COL13A1: variants seen among roughly 807,000 people sequenced by gnomAD.
COL13A1 encodes collagen type XIII alpha 1 chain.
A neutral mutation model predicts 130.9 loss-of-function variants in COL13A1; 89 were observed. The ratio of observed to expected loss-of-function variants is 0.68; its 90% CI spans 0.57 to 0.81. The LOEUF (loss-of-function observed/expected upper bound fraction) is 0.81, where lower values mean the gene tolerates loss of function less well. COL13A1 is among the 30% of genes least tolerant of loss of function. The pLI is 0.00. For missense variants in COL13A1, 879 were observed against 934.6 expected, an observed-to-expected ratio of 0.94 and a Z score of 0.78; for synonymous variants, 402 against 341.6, an observed-to-expected ratio of 1.18 and a Z score of -1.95.
chr10:69,824,500 G>A (rs1846994864), intron 2 of COL13A1, among the ~76,000 whole-genome samples: 1 of 152,214 alleles, frequency 6.6e-6, no homozygotes, highest in African/African-American at 2.4e-5. Context: ...GGGAGCTGGG[G>A]AGGAATGTGG....
At chr10:69,913,811 G>T (rs1345861951) in intron 17 of COL13A1, among the ~76,000 whole-genome samples, 1 of 151,208 alleles carries the variant, frequency 6.6e-6, no homozygotes, top group East Asian at 2.0e-4. Flanking sequence ...GCGGCAGAGC[G>T]AGGTCAGCTG....
intron 7 of COL13A1, among the ~76,000 whole-genome samples, chr10:69,885,988 G>A (rs983273203): frequency 1.3e-4 from 20 of 152,124 alleles, no homozygotes; most frequent in African/African-American, 4.6e-4. Context: ...CCCAGCTGAC[G>A]TGTTCCCTGA....
chr10:69,879,640 C>T (rs753102312), intron 6 of COL13A1, among the ~76,000 whole-genome samples: 4 of 152,194 alleles, frequency 2.6e-5, no homozygotes, highest in East Asian at 3.8e-4. Flanking sequence ...GCAACAGAGC[C>T]GCTCTCAGCA....
intron 31 of COL13A1, among the ~76,000 whole-genome samples, 195 bp downstream of exon 31, chr10:69,932,799 C>T (rs539422076): frequency 2.0e-5 from 3 of 152,262 alleles, no homozygotes; most frequent in South Asian, 4.1e-4. Context: ...TCACAGAGCA[C>T]CTCCCATGCT....
intron 38 of COL13A1, among the ~76,000 whole-genome samples, chr10:69,949,411 G>C (rs1203295542): frequency 1.3e-5 from 2 of 152,178 alleles, no homozygotes; most frequent in African/African-American, 4.8e-5. Flanking sequence ...TCAAACTCCT[G>C]ACCTCAAGTG....
At chr10:69,935,872 G>A (rs572821917) in intron 32 of COL13A1, among the ~76,000 whole-genome samples, 22 of 151,562 alleles carry the variant, frequency 1.5e-4, no homozygotes, top group Admixed American at 4.6e-4. Context: ...TTAGCTGGGC[G>A]TGGTGGCACA....
chr10:69,850,476 G>T (rs1365077327), intron 2 of COL13A1, among the ~76,000 whole-genome samples: 1 of 150,086 alleles, frequency 6.7e-6, no homozygotes, highest in Non-Finnish European at 1.5e-5. Flanking sequence ...GAGAAAGAGG[G>T]TTTCTTACCC....
At chr10:69,820,999 C>T (rs1185043270) in intron 1 of COL13A1, among the ~76,000 whole-genome samples, 1 of 152,216 alleles carries the variant, frequency 6.6e-6, no homozygotes, top group African/African-American at 2.4e-5. Flanking sequence ...CTTTCTTCAC[C>T]TCTCTTGTGG....
intron 1 of COL13A1, among the ~76,000 whole-genome samples, chr10:69,820,642 C>T (rs1845829327): frequency 6.6e-6 from 1 of 152,226 alleles, no homozygotes; most frequent in Non-Finnish European, 1.5e-5. Flanking sequence ...CCTCAACATT[C>T]ATCCTCCTAA....
chr10:69,912,093 C>T (rs1032808406), intron 17 of COL13A1, among the ~76,000 whole-genome samples: 1 of 152,220 alleles, frequency 6.6e-6, no homozygotes. Context: ...AAGATCTGGG[C>T]CTCTGATCTG....
At chr10:69,876,712 T>C (rs1354043985) in intron 5 of COL13A1, among the ~76,000 whole-genome samples, 1 of 152,230 alleles carries the variant, frequency 6.6e-6, no homozygotes, top group Non-Finnish European at 1.5e-5. Context: ...CCTGAGCCAG[T>C]CACCTGCGTC....
chr10:69,851,126 G>A (rs1247304357), intron 2 of COL13A1, among the ~76,000 whole-genome samples: 2 of 152,200 alleles, frequency 1.3e-5, no homozygotes, highest in Non-Finnish European at 2.9e-5. Flanking sequence ...CAGGAGAATC[G>A]AGGTCCTGGG....
chr10:69,837,955 C>T (rs1589354036), intron 2 of COL13A1, among the ~76,000 whole-genome samples: 1 of 152,216 alleles, frequency 6.6e-6, no homozygotes, highest in Non-Finnish European at 1.5e-5. Context: ...GCCACTTTCT[C>T]AATCTTGGGA....
intron 22 of COL13A1, 119 bp from the exon 23 acceptor site, chr10:69,922,589 G>A (rs2064825711): frequency 1.7e-6 from 1 of 572,870 alleles, no homozygotes; most frequent in African/African-American, 1.9e-5. Flanking sequence ...GATAAATCTG[G>A]GATTCTGAAG....
intron 2 of COL13A1, among the ~76,000 whole-genome samples, chr10:69,832,981 A>C (rs1321237404): frequency 6.6e-6 from 1 of 152,230 alleles, no homozygotes; most frequent in Non-Finnish European, 1.5e-5. Context: ...CTCCAGGGAC[A>C]GTCAGTAGGA....
At chr10:69,895,429 G>A (rs2134835903) in intron 12 of COL13A1, 121 bp from the exon 13 acceptor site, 2 of 1,091,454 alleles carry the variant, frequency 1.8e-6, no homozygotes, top group East Asian at 2.4e-5. Context: ...ACCAAAACTA[G>A]AGCAGGAGGG....
At chr10:69,953,434 T>C (rs888453754) in intron 39 of COL13A1, among the ~76,000 whole-genome samples, 34 of 152,154 alleles carry the variant, frequency 2.2e-4, no homozygotes, top group African/African-American at 8.2e-4. Context: ...GGGCCACTGA[T>C]GCTCAAAACT....
At chr10:69,839,262 C>G (rs1850933857) in intron 2 of COL13A1, among the ~76,000 whole-genome samples, 1 of 152,182 alleles carries the variant, frequency 6.6e-6, no homozygotes, top group Non-Finnish European at 1.5e-5. Context: ...TGAGGACCAA[C>G]CTGACAGAGG....
chr10:69,923,982 C>G (rs1019021581), intron 24 of COL13A1, 127 bp downstream of exon 24: 2 of 1,307,264 alleles, frequency 1.5e-6, no homozygotes, highest in Non-Finnish European at 2.1e-6. Context: ...ACTGGCTTCC[C>G]TAATTCCTGG....
Sources: allele counts gnomAD v4.1 joint callset (sites outside exome capture counted in the v4.1 genomes callset), GRCh38; gene constraint gnomAD v4.1.1; transcripts MANE v1.5; gene names NCBI Gene and HGNC (gene_info 2026-07-23, HGNC 2026-07-21).